DLG2: variants seen among roughly 807,000 people sequenced by gnomAD.
The protein encoded by DLG2 is disks large homolog 2.
A neutral mutation model predicts 132.5 loss-of-function variants in DLG2; 45 were observed. The observed-to-expected ratio is 0.34, with a 90% CI of 0.27 to 0.44. DLG2 has a LOEUF of 0.44. DLG2 is among the 20% of genes least tolerant of loss of function. DLG2 has a pLI of 1.00. For missense variants in DLG2, 1,045 were observed against 1,196.9 expected (o/e 0.87, Z 1.87); for synonymous variants, 424 against 419.6 (o/e 1.01, Z -0.13).
At chr11:84,395,116 G>C (rs2098806812) in intron 7 of DLG2, among the ~76,000 whole-genome samples, 1 of 151,394 alleles carries the variant, frequency 6.6e-6, no homozygotes, top group Non-Finnish European at 1.5e-5. Context: ...CTAATTTGCT[G>C]TTACACTTCT....
At chr11:85,099,454 G>A (rs2070477829) in intron 6 of DLG2, among the ~76,000 whole-genome samples, 1 of 152,090 alleles carries the variant, frequency 6.6e-6, no homozygotes, top group Non-Finnish European at 1.5e-5. Flanking sequence ...TGAATTTCTA[G>A]CTTTGATATA....
intron 6 of DLG2, among the ~76,000 whole-genome samples, chr11:84,955,125 C>T (rs570693621): frequency 6.6e-6 from 1 of 152,280 alleles, no homozygotes; most frequent in African/African-American, 2.4e-5. Context: ...CTGTAGCTTG[C>T]AGACCTCTGT....
At chr11:84,705,670 C>T (rs940606769) in intron 6 of DLG2, among the ~76,000 whole-genome samples, 1 of 151,666 alleles carries the variant, frequency 6.6e-6, no homozygotes, top group African/African-American at 2.4e-5. Context: ...GTCTTGGTGA[C>T]CAAGCGATTC....
intron 7 of DLG2, among the ~76,000 whole-genome samples, chr11:84,308,636 A>G (rs1567243036): frequency 6.6e-6 from 1 of 151,880 alleles, no homozygotes; most frequent in Non-Finnish European, 1.5e-5. Flanking sequence ...GCCGCACAGG[A>G]GCTCACGGAG....
chr11:84,081,461 A>G (rs956763372), intron 10 of DLG2, among the ~76,000 whole-genome samples: 2 of 151,972 alleles, frequency 1.3e-5, no homozygotes, highest in African/African-American at 4.8e-5. Flanking sequence ...AGTAACAAGG[A>G]ATACTGGAGC....
At chr11:84,252,567 G>A (rs550803552) in intron 7 of DLG2, among the ~76,000 whole-genome samples, 1 of 152,078 alleles carries the variant, frequency 6.6e-6, no homozygotes, top group African/African-American at 2.4e-5. Context: ...TGTACGATTT[G>A]CAGTAATTCT....
chr11:84,778,839 G>T (rs1164442146), intron 6 of DLG2, among the ~76,000 whole-genome samples: 2 of 152,170 alleles, frequency 1.3e-5, no homozygotes, highest in East Asian at 3.9e-4. Context: ...TCAACTATCA[G>T]CATGGCTAGA....
At chr11:84,447,210 G>A (rs1312361857) in intron 7 of DLG2, among the ~76,000 whole-genome samples, 2 of 152,132 alleles carry the variant, frequency 1.3e-5, no homozygotes, top group African/African-American at 4.8e-5. Flanking sequence ...TTTATAAAAT[G>A]GGGGTAATAA....
chr11:85,358,148 T>C (rs1474629235), intron 3 of DLG2, among the ~76,000 whole-genome samples: 2 of 152,082 alleles, frequency 1.3e-5, no homozygotes, highest in Non-Finnish European at 2.9e-5. Context: ...TTTTCAACCA[T>C]GGCACCTGAC....
chr11:83,541,050 G>A (rs898852383), intron 20 of DLG2, among the ~76,000 whole-genome samples: 1 of 151,968 alleles, frequency 6.6e-6, no homozygotes, highest in African/African-American at 2.4e-5. Context: ...TCTTGATTTA[G>A]GAAACACTTA....
intron 5 of DLG2, among the ~76,000 whole-genome samples, chr11:85,125,128 C>A (rs932643130): frequency 2.0e-5 from 3 of 152,168 alleles, no homozygotes; most frequent in Non-Finnish European, 2.9e-5. Flanking sequence ...CCGTGCCCAG[C>A]CTGAGCGCAG....
intron 3 of DLG2, among the ~76,000 whole-genome samples, chr11:85,484,177 C>G (rs1024097981): frequency 5.7e-5 from 8 of 140,844 alleles, no homozygotes; most frequent in Non-Finnish European, 1.2e-4. Flanking sequence ...GAGGATTCAA[C>G]CCGGTGGCGG....
chr11:84,979,417 T>TGA (rs2055398285), intron 6 of DLG2, among the ~76,000 whole-genome samples: 1 of 152,122 alleles, frequency 6.6e-6, no homozygotes, highest in South Asian at 2.1e-4. Context: ...CAAATGTCCA[T>TGA]CAATGATAGA....
chr11:83,512,599 G>A (rs1309070396), intron 21 of DLG2, among the ~76,000 whole-genome samples: 1 of 152,038 alleles, frequency 6.6e-6, no homozygotes. Context: ...TGTTACATAT[G>A]TATACATGTG....
chr11:83,482,395 T>C (rs960565533), intron 22 of DLG2, among the ~76,000 whole-genome samples: 7 of 152,102 alleles, frequency 4.6e-5, no homozygotes, highest in African/African-American at 1.4e-4. Flanking sequence ...TCTGTTCTCA[T>C]TTCATTGGTG....
chr11:84,180,480 A>G (rs58482751), intron 8 of DLG2, among the ~76,000 whole-genome samples: 9,688 of 152,156 alleles, frequency 0.064, 378 homozygotes, highest in African/African-American at 0.097. Flanking sequence ...TAATGACTGA[A>G]AATTTCACCC....
chr11:84,419,039 C>G (rs1408344170), intron 7 of DLG2, among the ~76,000 whole-genome samples: 5 of 152,068 alleles, frequency 3.3e-5, no homozygotes, highest in East Asian at 1.9e-4. Context: ...TCTCTCTTAT[C>G]TGTCCTGGTA....
chr11:84,373,997 T>C (rs1026844475), intron 7 of DLG2, among the ~76,000 whole-genome samples: 1 of 152,180 alleles, frequency 6.6e-6, no homozygotes, highest in Non-Finnish European at 1.5e-5. Context: ...CATGAACACA[T>C]TTGCTCTGCG....
At chr11:84,913,132 T>C (rs1207444673) in intron 6 of DLG2, among the ~76,000 whole-genome samples, 1 of 152,154 alleles carries the variant, frequency 6.6e-6, no homozygotes, top group Admixed American at 6.5e-5. Context: ...AAAAATGATT[T>C]CAATGTTTTC....
Sources: gnomAD v4.1 joint callset for allele counts (sites outside exome capture counted in the v4.1 genomes callset) on GRCh38, gnomAD v4.1.1 for gene constraint, MANE v1.5 for transcripts, NCBI Gene and HGNC (gene_info 2026-07-23, HGNC 2026-07-21) for gene names.